The following OXR1 variants were observed in gnomAD, a reference collection of about 807,000 sequenced individuals.
OXR1 encodes oxidation resistance protein 1.
OXR1 carries 41 observed loss-of-function variants against 104.6 expected under a neutral mutation model. That is an observed-to-expected ratio of 0.39 (90% CI 0.31 to 0.51). OXR1 has a LOEUF of 0.51. Among genes scored for constraint, OXR1 ranks in the 20% least tolerant of loss-of-function variants. OXR1 has a pLI of 0.77. For missense variants in OXR1, 955 were observed against 1,031.9 expected (o/e 0.93, Z 1.02); for synonymous variants, 348 against 348.4 (o/e 1.00, Z 0.01).
At chr8:106,676,837 G>A (rs1263336946) in intron 3 of OXR1, among the ~76,000 whole-genome samples, 2 of 151,924 alleles carry the variant, frequency 1.3e-5, no homozygotes, top group Admixed American at 6.6e-5. Context: ...TTAAAATTTA[G>A]AACTGTTTTT....
chr8:106,278,211 G>T (rs1434593710), intron 1 of OXR1, among the ~76,000 whole-genome samples: 3 of 152,110 alleles, frequency 2.0e-5, no homozygotes, highest in African/African-American at 7.2e-5. Flanking sequence ...GTACACACTA[G>T]AATTTATGTT....
At chr8:106,619,655 A>T (rs147143743) in intron 3 of OXR1, among the ~76,000 whole-genome samples, 2 of 152,286 alleles carry the variant, frequency 1.3e-5, no homozygotes, top group African/African-American at 2.4e-5. Context: ...CCTTTGTAAT[A>T]AAAAAATACA....
At chr8:106,651,144 C>T (rs952738421) in intron 3 of OXR1, among the ~76,000 whole-genome samples, 3 of 152,092 alleles carry the variant, frequency 2.0e-5, no homozygotes, top group African/African-American at 4.8e-5. Context: ...TACCATTATT[C>T]GCTCCCCTAC....
At chr8:106,639,836 G>C (rs1252709356) in intron 3 of OXR1, among the ~76,000 whole-genome samples, 1 of 152,168 alleles carries the variant, frequency 6.6e-6, no homozygotes, top group African/African-American at 2.4e-5. Flanking sequence ...GGAGACAGTA[G>C]AGTGAGTGTA....
chr8:106,737,065 G>A (rs911803495), intron 11 of OXR1, among the ~76,000 whole-genome samples: 3 of 152,036 alleles, frequency 2.0e-5, no homozygotes, highest in African/African-American at 7.2e-5. Context: ...TTTGTCACCT[G>A]TGCCTAGAAG....
At chr8:106,549,552 C>T (rs1003863493) in intron 3 of OXR1, among the ~76,000 whole-genome samples, 4 of 152,084 alleles carry the variant, frequency 2.6e-5, no homozygotes, top group African/African-American at 4.8e-5. Flanking sequence ...TATCTTAATC[C>T]GTTCAGACTG....
intron 2 of OXR1, among the ~76,000 whole-genome samples, chr8:106,400,242 A>G (rs1034004986): frequency 6.6e-6 from 1 of 152,122 alleles, no homozygotes; most frequent in Non-Finnish European, 1.5e-5. Flanking sequence ...TAAAGTGTTC[A>G]TGCTCCATAT....
chr8:106,591,116 G>A (rs1346089214), intron 3 of OXR1, among the ~76,000 whole-genome samples: 1 of 151,758 alleles, frequency 6.6e-6, no homozygotes, highest in East Asian at 1.9e-4. Flanking sequence ...CATAAAAAAG[G>A]ATGAGTTCTT....
intron 11 of OXR1, among the ~76,000 whole-genome samples, chr8:106,727,927 T>C (rs1833506384): frequency 6.6e-6 from 1 of 152,176 alleles, no homozygotes; most frequent in Non-Finnish European, 1.5e-5. Context: ...CTGAACTAAG[T>C]TGTCATGTAG....
intron 11 of OXR1, among the ~76,000 whole-genome samples, chr8:106,736,984 G>T (rs1834434883): frequency 6.6e-6 from 1 of 152,082 alleles, no homozygotes; most frequent in Admixed American, 6.6e-5. Context: ...ATTGCCATAG[G>T]TTTTAAAATG....
At chr8:106,703,188 G>A in intron 8 of OXR1, 98 bp downstream of exon 8, 1 of 719,880 alleles carries the variant, frequency 1.4e-6, no homozygotes, top group East Asian at 2.6e-5. Flanking sequence ...TCTTATAGCT[G>A]CCTTTTATTT....
chr8:106,292,180 T>C (rs564726710), intron 1 of OXR1, among the ~76,000 whole-genome samples: 1 of 152,296 alleles, frequency 6.6e-6, no homozygotes, highest in South Asian at 2.1e-4. Context: ...ATTCAAGTCA[T>C]CCTTATTTTA....
intron 3 of OXR1, among the ~76,000 whole-genome samples, chr8:106,663,743 G>A (rs1381769454): frequency 1.3e-5 from 2 of 152,164 alleles, no homozygotes; most frequent in African/African-American, 4.8e-5. Context: ...ATTGTGAACT[G>A]CACATGCAAG....
At chr8:106,715,442 A>T (rs925294654) in intron 11 of OXR1, among the ~76,000 whole-genome samples, 3 of 147,428 alleles carry the variant, frequency 2.0e-5, no homozygotes, top group Non-Finnish European at 4.5e-5. Flanking sequence ...TATGTATCTT[A>T]TATATATATA....
chr8:106,460,145 C>T (rs1008602317), intron 2 of OXR1, among the ~76,000 whole-genome samples: 2 of 152,190 alleles, frequency 1.3e-5, no homozygotes. Flanking sequence ...ACTTGCTACT[C>T]ACGTTAAATT....
chr8:106,488,729 G>A (rs1273263916), intron 2 of OXR1, among the ~76,000 whole-genome samples: 1 of 141,684 alleles, frequency 7.1e-6, no homozygotes, highest in Non-Finnish European at 1.5e-5. Context: ...AGATCAGATA[G>A]TTGTAGTTAT....
intron 1 of OXR1, among the ~76,000 whole-genome samples, chr8:106,319,866 C>A (rs1407697199): frequency 6.6e-6 from 1 of 152,200 alleles, no homozygotes; most frequent in African/African-American, 2.4e-5. Context: ...AGTTGCAGGT[C>A]AGCAGTACTT....
At chr8:106,605,632 TAA>T (rs11347410) in intron 3 of OXR1, among the ~76,000 whole-genome samples, 65 of 123,436 alleles carry the variant, frequency 5.3e-4, no homozygotes, top group East Asian at 7.0e-4. Context: ...CCGTCTCTAC[TAA>T]AAAAAAAAAA....
At chr8:106,395,805 T>C (rs1817753710) in intron 2 of OXR1, among the ~76,000 whole-genome samples, 1 of 151,998 alleles carries the variant, frequency 6.6e-6, no homozygotes, top group African/African-American at 2.4e-5. Flanking sequence ...CACTCTCCAA[T>C]AAAAGGACTC....
Sources: allele counts gnomAD v4.1 joint callset (sites outside exome capture counted in the v4.1 genomes callset), GRCh38; gene constraint gnomAD v4.1.1; transcripts MANE v1.5; gene names NCBI Gene and HGNC (gene_info 2026-07-23, HGNC 2026-07-21).